The following TRIO variants were observed in gnomAD, a reference collection of about 807,000 sequenced individuals.
TRIO encodes trio Rho guanine nucleotide exchange factor, also known as triple functional domain protein.
TRIO carries 58 observed loss-of-function variants against 351.9 expected under a neutral mutation model. That is an observed-to-expected ratio of 0.16 (90% CI 0.13 to 0.21). The LOEUF (loss-of-function observed/expected upper bound fraction) is 0.21. Among genes scored for constraint, TRIO ranks in the 10% least tolerant of loss-of-function variants. The probability of loss-of-function intolerance (pLI) is 1.00; values close to 1 mark genes in which losing one functional copy is unlikely to be tolerated. For synonymous variants in TRIO, 1,758 were observed against 1,595.7 expected (o/e 1.10, Z -2.42); for missense variants, 3,201 against 4,027.8 (o/e 0.79, Z 5.56).
At chr5:14,449,644 A>C (rs774970694) in intron 34 of TRIO, among the ~76,000 whole-genome samples, 3 of 152,248 alleles carry the variant, frequency 2.0e-5, no homozygotes, top group Non-Finnish European at 4.4e-5. Context: ...CAGGCCAGCC[A>C]GGTCCTGTTC....
At chr5:14,227,752 T>G (rs1793140759) in intron 1 of TRIO, among the ~76,000 whole-genome samples, 1 of 152,236 alleles carries the variant, frequency 6.6e-6, no homozygotes, top group Admixed American at 6.5e-5. Flanking sequence ...ATACGGACTC[T>G]TAACTCTTAG....
intron 1 of TRIO, among the ~76,000 whole-genome samples, chr5:14,215,845 A>T (rs1374859219): frequency 1.3e-5 from 2 of 152,230 alleles, no homozygotes; most frequent in Admixed American, 1.3e-4. Flanking sequence ...TGACAATAGA[A>T]GCTAGTTTTG....
At chr5:14,349,048 G>A (rs1274627546) in intron 11 of TRIO, among the ~76,000 whole-genome samples, 12 of 151,454 alleles carry the variant, frequency 7.9e-5, no homozygotes, top group East Asian at 2.0e-4. Flanking sequence ...ACGTGAGCAT[G>A]TGTTTTTCCT....
At chr5:14,363,001 C>CTTTTTTTT (rs34314596) in intron 13 of TRIO, among the ~76,000 whole-genome samples, 1 of 136,084 alleles carries the variant, frequency 7.3e-6, no homozygotes, top group Non-Finnish European at 1.6e-5. Context: ...TTTCTATCTA[C>CTTTTTTTT]TTTTTTTTTT....
chr5:14,268,685 A>T (rs1020520593), intron 1 of TRIO, among the ~76,000 whole-genome samples: 3 of 152,174 alleles, frequency 2.0e-5, no homozygotes, highest in African/African-American at 7.2e-5. Context: ...CTATCATGTG[A>T]TCTGTCCCCT....
chr5:14,166,889 A>G (rs982179253), intron 1 of TRIO, among the ~76,000 whole-genome samples: 1 of 152,088 alleles, frequency 6.6e-6, no homozygotes, highest in South Asian at 2.1e-4. Context: ...TGGAGAAGGG[A>G]GGTCTCAGCA....
At position 14,406,728 on chromosome 5, in the gene TRIO, A is replaced by G. The variant is rs114271947; in HGVS notation, c.4959+56A>G. 2,290 of 1,540,964 alleles carry G rather than the reference A, an allele frequency of 1.5e-3. 23 individuals are homozygous for G. In the African/African-American group the frequency reaches 0.028, roughly 19 times the overall value. ...GGGGAATGTGGCCAGTCTCTGGTCA[A>G]AGCAGCCCCCTCCTTTCTGTTACTC... is the stretch of plus-strand genomic sequence containing the variant. On this transcript the variant is annotated intron_variant, in intron 33 of 56. Coordinates refer to ENST00000344204, the MANE Select transcript of TRIO (RefSeq NM_007118.4).
At chr5:14,213,166 A>G (rs1792014703) in intron 1 of TRIO, among the ~76,000 whole-genome samples, 2 of 152,026 alleles carry the variant, frequency 1.3e-5, no homozygotes, top group Admixed American at 6.5e-5. Context: ...GCGCAGAAGG[A>G]TTTCTTTGGT....
intron 34 of TRIO, among the ~76,000 whole-genome samples, chr5:14,459,022 G>T (rs540239876): frequency 6.6e-6 from 1 of 152,298 alleles, no homozygotes; most frequent in East Asian, 1.9e-4. Flanking sequence ...AGGGGAAAGG[G>T]TTATCATTCT....
chr5:14,147,896 A>G (rs561193221), intron 1 of TRIO, among the ~76,000 whole-genome samples: 4 of 152,316 alleles, frequency 2.6e-5, no homozygotes, highest in Non-Finnish European at 4.4e-5. Flanking sequence ...CAATATTTCA[A>G]AAATAGAAAC....
chr5:14,488,147 G>A lies in TRIO; in HGVS notation c.7519G>A (p.Asp2507Asn), dbSNP rs762311483. The A allele has an allele frequency of 1.6e-5, 26 of 1,607,062 alleles. 1 individual carries two copies. Among genetic ancestry groups the A allele is most frequent in the Admixed American group, 3.3e-5 (2 of 59,936 alleles). ...CTCCTTCACCTTCCCGGGGGACAGC[G>A]ACTCCCTCCAGCGGCAGACACCCCG... ...PGSFTFPGDS[D>N]SLQRQTPRHA... The change falls in exon 48 of 57, where the codon GAC becomes AAC. Residue 2507 changes from aspartate (D) to asparagine (N), a missense_variant. Transcript: ENST00000344204.
At chr5:14,409,598 G>T (rs1053095167) in intron 33 of TRIO, among the ~76,000 whole-genome samples, 1 of 151,928 alleles carries the variant, frequency 6.6e-6, no homozygotes, top group African/African-American at 2.4e-5. Flanking sequence ...ACTTAGGGAG[G>T]CCAAGGCGGG....
intron 8 of TRIO, among the ~76,000 whole-genome samples, chr5:14,311,731 G>A (rs1283666885): frequency 2.0e-5 from 3 of 152,164 alleles, no homozygotes; most frequent in East Asian, 1.9e-4. Flanking sequence ...CCCAGGCTTC[G>A]TGTGGAGGTC....
intron 28 of TRIO, among the ~76,000 whole-genome samples, chr5:14,394,607 C>T (rs950223252): frequency 1.1e-4 from 17 of 152,126 alleles, no homozygotes; most frequent in Admixed American, 2.6e-4. Flanking sequence ...ACTGAAGCCA[C>T]GGAGAACCCA....
chr5:14,207,711 C>CAG (rs372248634), intron 1 of TRIO, among the ~76,000 whole-genome samples: 5,227 of 149,070 alleles, frequency 0.035, 290 homozygotes, highest in African/African-American at 0.12. Flanking sequence ...GACCTTGTCT[C>CAG]AGAGAGAGAG....
intron 20 of TRIO, among the ~76,000 whole-genome samples, chr5:14,380,891 CT>C (rs1746043318): frequency 6.6e-6 from 1 of 152,138 alleles, no homozygotes; most frequent in Non-Finnish European, 1.5e-5. Context: ...GAAACTCAAA[CT>C]TTTTATTGTT....
At chr5:14,502,450 C>T (rs1214759790) in intron 53 of TRIO, 129 bp from the exon 54 acceptor site, 94 of 764,424 alleles carry the variant, frequency 1.2e-4, no homozygotes, top group South Asian at 5.2e-4. Context: ...CATCTCCACT[C>T]GCATGAGCCG....
rs1222922516 is a variant in TRIO at position 14,476,955 on chromosome 5, G to C, written c.6145G>C (p.Val2049Leu). The change falls in exon 41 of 57, where the codon GTT becomes CTT. Residue 2049 changes from valine to leucine, a missense_variant. Around this residue, in one of 19 missense-constraint regions of TRIO, gnomAD observed 307 missense variants for 396.5 expected, o/e 0.77. Coordinates refer to ENST00000344204, the MANE Select transcript of TRIO (RefSeq NM_007118.4). The part of the protein sequence containing the change: ...EDPEKLGSLF[V>L]KHERRLHMYI... ...TCCAGAAAAACTAGGATCCCTTTTT[G>C]TTAAACACGTAAGCACAATAGCATT... 3 of 1,613,294 alleles carry C rather than the reference G, an allele frequency of 1.9e-6. No homozygotes were observed. Among genetic ancestry groups the C allele is most frequent in the South Asian group, 1.1e-5 (1 of 90,970 alleles).
rs965327862 is a variant in TRIO, at chr5:14,391,848, A to G, written c.4218+858A>G. ...ATCTTTGAGATGAAGCCCTACCTGT[A>G]GATGACCCTGTTTTAATTGTCATTC... On this transcript the variant is annotated intron_variant, in intron 27 of 56. Transcript: ENST00000344204. 7.2e-5 allele frequency among the ~76,000 whole-genome samples: 11 copies of G among 152,368 alleles called. No individual in the cohort carries two copies. In the East Asian group the frequency reaches 2.1e-3, roughly 29 times the overall value.
Sources: allele counts gnomAD v4.1 joint callset (sites outside exome capture counted in the v4.1 genomes callset), GRCh38; gene constraint gnomAD v4.1.1; regional missense constraint gnomAD v4.1.1; transcripts MANE v1.5; gene names NCBI Gene and HGNC (gene_info 2026-07-23, HGNC 2026-07-21).